Variants in GRM5 observed in about 807,000 individuals in gnomAD.
GRM5 encodes the protein metabotropic glutamate receptor 5.
Under a neutral mutation model 83.1 loss-of-function variants are expected in GRM5, and 19 were observed. The observed-to-expected ratio is 0.23, with a 90% CI of 0.16 to 0.34. GRM5 has a LOEUF of 0.34. Among genes scored for constraint, GRM5 ranks in the 10% least tolerant of loss-of-function variants. GRM5 has a pLI of 1.00. For synonymous variants in GRM5, 675 were observed against 633.6 expected (o/e 1.07, Z -0.98); for missense variants, 1,160 against 1,588.3 (o/e 0.73, Z 4.58).
chr11:88,566,364 A>G (rs1455831111), intron 8 of GRM5, among the ~76,000 whole-genome samples: 1 of 152,192 alleles, frequency 6.6e-6, no homozygotes, highest in Non-Finnish European at 1.5e-5. Flanking sequence ...TCAGATTGAA[A>G]TGGTCGAATA....
At chr11:88,975,414 T>C (rs1412633673) in intron 2 of GRM5, among the ~76,000 whole-genome samples, 1 of 152,174 alleles carries the variant, frequency 6.6e-6, no homozygotes, top group Non-Finnish European at 1.5e-5. Context: ...AAACACAGAT[T>C]TTCAGGTCCT....
chr11:88,783,773 G>A (rs1381679361), intron 3 of GRM5, among the ~76,000 whole-genome samples: 2 of 151,930 alleles, frequency 1.3e-5, no homozygotes. Flanking sequence ...TATGCACTTA[G>A]AAAACATCTT....
chr11:89,016,230 C>G (rs1401910171), intron 2 of GRM5, among the ~76,000 whole-genome samples: 1 of 148,842 alleles, frequency 6.7e-6, no homozygotes, highest in Admixed American at 6.8e-5. Flanking sequence ...TTTATATATA[C>G]CATAAAACAT....
chr11:88,950,591 G>A (rs1938426833), intron 2 of GRM5, among the ~76,000 whole-genome samples: 1 of 152,096 alleles, frequency 6.6e-6, no homozygotes, highest in African/African-American at 2.4e-5. Context: ...GAGATGCTTT[G>A]ACATGTGACA....
At chr11:88,902,359 C>T (rs2135596609) in intron 2 of GRM5, among the ~76,000 whole-genome samples, 1 of 152,066 alleles carries the variant, frequency 6.6e-6, no homozygotes, top group East Asian at 1.9e-4. Flanking sequence ...AGAGAAGATC[C>T]AACAACTTAC....
intron 3 of GRM5, among the ~76,000 whole-genome samples, chr11:88,667,872 G>A (rs550665264): frequency 1.3e-4 from 19 of 151,208 alleles, no homozygotes; most frequent in African/African-American, 3.4e-4. Context: ...CAGCATGGGC[G>A]ACAGAGGGAG....
intron 3 of GRM5, among the ~76,000 whole-genome samples, chr11:88,701,779 T>C (rs533464567): frequency 1.3e-5 from 2 of 152,222 alleles, no homozygotes; most frequent in South Asian, 4.1e-4. Flanking sequence ...GGAGTAAAAC[T>C]TTTCTAAAAA....
At chr11:88,726,154 G>A (rs1196117127) in intron 3 of GRM5, among the ~76,000 whole-genome samples, 1 of 152,066 alleles carries the variant, frequency 6.6e-6, no homozygotes, top group Non-Finnish European at 1.5e-5. Flanking sequence ...AAGATGAGAG[G>A]AATTGCTGAC....
chr11:89,012,413 G>T (rs1244730730), intron 2 of GRM5, among the ~76,000 whole-genome samples: 1 of 152,156 alleles, frequency 6.6e-6, no homozygotes, highest in African/African-American at 2.4e-5. Context: ...CTGACATCAA[G>T]CTCCCGTGAG....
At chr11:88,651,399 C>T (rs1939627526) in intron 4 of GRM5, among the ~76,000 whole-genome samples, 1 of 151,948 alleles carries the variant, frequency 6.6e-6, no homozygotes, top group Non-Finnish European at 1.5e-5. Flanking sequence ...AAGATGAAAT[C>T]AGAGCTACTG....
chr11:89,020,153 T>C (rs887601846), intron 2 of GRM5, among the ~76,000 whole-genome samples: 16 of 152,204 alleles, frequency 1.1e-4, no homozygotes, highest in African/African-American at 3.6e-4. Context: ...ATAATTACCA[T>C]GTGAGTTAAG....
At chr11:88,516,722 G>GTT (rs1358314700) in intron 9 of GRM5, among the ~76,000 whole-genome samples, 1 of 20,274 alleles carries the variant, frequency 4.9e-5, no homozygotes, top group African/African-American at 1.7e-4. Flanking sequence ...TGATTATCCT[G>GTT]GTTTTTTTTT....
chr11:88,754,821 T>A (rs1942363619), intron 3 of GRM5, among the ~76,000 whole-genome samples: 1 of 152,114 alleles, frequency 6.6e-6, no homozygotes, highest in Admixed American at 6.6e-5. Flanking sequence ...AAGTCTGACA[T>A]CAAATTCTGC....
rs376061266 is a variant in GRM5, at chr11:88,638,048, C to T, written c.1147+15120G>A. 9.3e-5 allele frequency among the ~76,000 whole-genome samples: 14 copies of T among 151,002 alleles called. No individual in the cohort carries two copies. In the East Asian group the frequency reaches 9.8e-4, roughly 11 times the overall value. On this transcript the variant is annotated intron_variant, in intron 4 of 9. Coordinates refer to ENST00000305447, the MANE Select transcript of GRM5 (RefSeq NM_001143831.3). Reference sequence around the variant, plus strand: ...GAAATCATCATTCTCAGTAAACTATCGCAAGAACAAAAAACCAAACACTGC... The same window carrying T: ...GAAATCATCATTCTCAGTAAACTATTGCAAGAACAAAAAACCAAACACTGC...
chr11:88,893,467 A>T (rs2135587753), intron 2 of GRM5, among the ~76,000 whole-genome samples: 1 of 152,162 alleles, frequency 6.6e-6, no homozygotes, highest in South Asian at 2.1e-4. Flanking sequence ...GGATGTTAGG[A>T]CAAGTTTAAG....
chr11:88,967,732 CA>C (rs1939030237), intron 2 of GRM5, among the ~76,000 whole-genome samples: 1 of 151,912 alleles, frequency 6.6e-6, no homozygotes, highest in Non-Finnish European at 1.5e-5. Flanking sequence ...ATGATGAGTC[CA>C]AAAGCTAAAG....
intron 2 of GRM5, among the ~76,000 whole-genome samples, chr11:88,947,480 G>A (rs1227404071): frequency 6.6e-6 from 1 of 151,056 alleles, no homozygotes; most frequent in Non-Finnish European, 1.5e-5. Flanking sequence ...ACACATCATG[G>A]AGGTTTAGGT....
intron 3 of GRM5, among the ~76,000 whole-genome samples, chr11:88,836,511 GA>G (rs1424624609): frequency 4.6e-5 from 7 of 152,088 alleles, no homozygotes; most frequent in Non-Finnish European, 7.4e-5. Flanking sequence ...CAATCTTCTA[GA>G]AAACAGGCCA....
intron 1 of GRM5, 146 bp from the exon 2 acceptor site, chr11:89,048,218 T>C (rs1941684136): frequency 8.4e-6 from 2 of 238,684 alleles, no homozygotes; most frequent in East Asian, 1.1e-4. Flanking sequence ...GACTTTCCTT[T>C]GTCTGCTTCC....
Sources: gnomAD v4.1 joint callset for allele counts (sites outside exome capture counted in the v4.1 genomes callset) on GRCh38, gnomAD v4.1.1 for gene constraint, MANE v1.5 for transcripts, NCBI Gene and HGNC (gene_info 2026-07-23, HGNC 2026-07-21) for gene names.